The following RAI14 variants were observed in gnomAD, a reference collection of about 807,000 sequenced individuals.
RAI14 encodes retinoic acid induced 14.
Under a neutral mutation model 115.4 loss-of-function variants are expected in RAI14, and 45 were observed. The ratio of observed to expected loss-of-function variants is 0.39; its 90% CI spans 0.31 to 0.50. The LOEUF (loss-of-function observed/expected upper bound fraction) is 0.50. Ranked by LOEUF, RAI14 falls within the 20% of genes least tolerant of loss-of-function variation. The probability of loss-of-function intolerance (pLI) is 0.85; values close to 1 mark genes in which losing one functional copy is unlikely to be tolerated. For synonymous variants in RAI14, 371 were observed against 415.4 expected, an observed-to-expected ratio of 0.89 and a Z score of 1.30; for missense variants, 939 against 1,131.2, an observed-to-expected ratio of 0.83 and a Z score of 2.44.
intron 2 of RAI14, among the ~76,000 whole-genome samples, chr5:34,737,537 G>A (rs1232822650): frequency 6.6e-6 from 1 of 151,622 alleles, no homozygotes; most frequent in Non-Finnish European, 1.5e-5. Flanking sequence ...GATGAGGATC[G>A]CTTGAGCTTA....
intron 2 of RAI14, among the ~76,000 whole-genome samples, chr5:34,740,979 A>G (rs1307285294): frequency 1.3e-5 from 2 of 152,168 alleles, no homozygotes; most frequent in Non-Finnish European, 2.9e-5. Context: ...CTCTGATAAC[A>G]TTAGACATCG....
At position 34,733,007 on chromosome 5, in the gene RAI14, T is replaced by G. The variant is rs1202160439; in HGVS notation, c.37-24461T>G. On this transcript the variant is annotated intron_variant, in intron 2 of 17. Transcript: ENST00000265109. The stretch of plus-strand genomic sequence containing the variant: ...TGTTGAGAAGCCTCAGTGTGACTTG[T>G]ACTTGTGTTTCTGAGACACAAACTG... 3 of 152,208 alleles carry G rather than the reference T, an allele frequency of 2.0e-5. No homozygotes were observed. The South Asian group carries it at 6.2e-4, about 32-fold the overall frequency. The allele number at this position is 152,208 out of a possible 1,614,324, so 9.4% of individuals were successfully genotyped here. A position where few individuals can be genotyped will look rare whatever the true frequency, so the allele number is the denominator to read the frequency against.
intron 3 of RAI14, among the ~76,000 whole-genome samples, chr5:34,788,947 C>T (rs907611973): frequency 5.3e-5 from 8 of 152,092 alleles, no homozygotes; most frequent in Admixed American, 2.0e-4. Flanking sequence ...CTAGCCTGGG[C>T]GACAGAGTGA....
intron 3 of RAI14, among the ~76,000 whole-genome samples, chr5:34,787,342 A>G (rs2150180515): frequency 6.6e-6 from 1 of 152,370 alleles, no homozygotes; most frequent in South Asian, 2.1e-4. Context: ...AGTAAAAACA[A>G]CTGAAATGTC....
At chr5:34,815,398 G>T (rs1756110935) in intron 12 of RAI14, among the ~76,000 whole-genome samples, 2 of 151,284 alleles carry the variant, frequency 1.3e-5, no homozygotes, top group Non-Finnish European at 2.9e-5. Context: ...AAAAAGAAAA[G>T]AAAAAAATAC....
intron 2 of RAI14, among the ~76,000 whole-genome samples, chr5:34,729,134 A>G (rs35739688): frequency 0.042 from 6,367 of 152,216 alleles, 203 homozygotes; most frequent in Middle Eastern, 0.12. Flanking sequence ...ATGTGGGTGG[A>G]TCCTTTGAGC....
chr5:34,766,088 C>T, intron 3 of RAI14, among the ~76,000 whole-genome samples: 1 of 152,202 alleles, frequency 6.6e-6, no homozygotes. Flanking sequence ...TGTATGGAAA[C>T]ACCTGGATGC....
At chr5:34,710,786 G>A (rs538591177) in intron 2 of RAI14, among the ~76,000 whole-genome samples, 1 of 151,064 alleles carries the variant, frequency 6.6e-6, no homozygotes, top group Admixed American at 6.6e-5. Flanking sequence ...AGAAACATTG[G>A]ACTAAGTGAC....
chr5:34,776,803 T>TCCAAAAAAAAAAACAACAA (rs1279080501), intron 3 of RAI14, among the ~76,000 whole-genome samples: 1 of 144,874 alleles, frequency 6.9e-6, no homozygotes, highest in Non-Finnish European at 1.5e-5. Context: ...TGAGACCCTT[T>TCCAAAAAAAAAAACAACAA]ATTAAAAAAA....
intron 3 of RAI14, among the ~76,000 whole-genome samples, chr5:34,764,570 T>TCTCTCTCA (rs1554054172): frequency 6.7e-6 from 1 of 150,234 alleles, no homozygotes; most frequent in East Asian, 2.0e-4. Context: ...TCTCTCTCTC[T>TCTCTCTCA]CACACACAAA....
chr5:34,785,133 C>T (rs916750825), intron 3 of RAI14, among the ~76,000 whole-genome samples: 2 of 152,150 alleles, frequency 1.3e-5, no homozygotes, highest in African/African-American at 2.4e-5. Flanking sequence ...TGTTCATTAA[C>T]GAAGTCCTCT....
intron 3 of RAI14, among the ~76,000 whole-genome samples, chr5:34,783,639 C>T (rs1395212322): frequency 1.3e-5 from 2 of 152,224 alleles, no homozygotes; most frequent in African/African-American, 4.8e-5. Context: ...GTCAATAATA[C>T]GAGATTCAAT....
intron 12 of RAI14, among the ~76,000 whole-genome samples, chr5:34,816,664 G>GTT (rs202022915): frequency 1.3e-5 from 2 of 150,726 alleles, no homozygotes; most frequent in African/African-American, 2.4e-5. Context: ...TATTAAAGAT[G>GTT]TTTTTTTTTA....
At chr5:34,736,557 G>T (rs963421501) in intron 2 of RAI14, among the ~76,000 whole-genome samples, 19 of 152,144 alleles carry the variant, frequency 1.2e-4, no homozygotes, top group African/African-American at 4.6e-4. Context: ...TGTGTCAATT[G>T]TGGGTTAGCT....
rs1012939814 is a variant in RAI14 at position 34,690,915 on chromosome 5, G to GA, written c.36+3967dup. Among the ~76,000 whole-genome samples, 25 of 152,058 alleles carry GA rather than the reference G, an allele frequency of 1.6e-4. 1 individual carries two copies. The highest frequency in any genetic ancestry group is 4.1e-4 in the South Asian group (2 of 4,830). On this transcript the variant is annotated intron_variant, in intron 2 of 17. Coordinates refer to ENST00000265109, the MANE Select transcript of RAI14 (RefSeq NM_015577.3). ...AGGTTGATAAACCTCGGTGGGAGGA[G>GA]AAAAAAACATATAGGAAATAACTAG...
chr5:34,700,671 A>G (rs979781163), intron 2 of RAI14, among the ~76,000 whole-genome samples: 1 of 152,234 alleles, frequency 6.6e-6, no homozygotes, highest in Non-Finnish European at 1.5e-5. Flanking sequence ...TGTTTCCTTT[A>G]GGATGCTCTG....
intron 3 of RAI14, among the ~76,000 whole-genome samples, chr5:34,794,977 GA>G (rs1164266669): frequency 6.6e-6 from 1 of 152,154 alleles, no homozygotes; most frequent in Non-Finnish European, 1.5e-5. Context: ...CCTAAAACAG[GA>G]CTGACTCAGG....
rs143092935 is a variant in RAI14, at chr5:34,822,664, C to CT, written c.1114-255dup. On this transcript the variant is annotated intron_variant, in intron 14 of 17. Transcript: ENST00000265109. ...GCTTAGCTAACCACGCCTTTGGTAT[C>CT]TTTTTTTTTTTTTTTTTTTTTTTTT... 3.5e-3 allele frequency among the ~76,000 whole-genome samples: 165 copies of CT among 47,566 alleles called. 42 individuals carry two copies. The highest frequency in any genetic ancestry group is 5.2e-3 in the Non-Finnish European group (128 of 24,690). 31.2% of individuals were successfully genotyped at this position (47,566 alleles called of 152,430 possible).
intron 2 of RAI14, among the ~76,000 whole-genome samples, chr5:34,704,378 CA>C (rs564397370): frequency 1.3e-5 from 2 of 152,330 alleles, no homozygotes; most frequent in South Asian, 4.1e-4. Context: ...TCCAGATAGT[CA>C]GTATCCTTAA....
Sources: gnomAD v4.1 joint callset for allele counts (sites outside exome capture counted in the v4.1 genomes callset) on GRCh38, gnomAD v4.1.1 for gene constraint, MANE v1.5 for transcripts, NCBI Gene and HGNC (gene_info 2026-07-23, HGNC 2026-07-21) for gene names.